Variants in ZNF385B observed in about 807,000 individuals in gnomAD.
ZNF385B encodes the protein zinc finger protein 533.
Under a neutral mutation model 39.2 loss-of-function variants are expected in ZNF385B, and 23 were observed. That is an observed-to-expected ratio of 0.59 (90% CI 0.42 to 0.83). The LOEUF (loss-of-function observed/expected upper bound fraction) is 0.83, where lower values mean the gene tolerates loss of function less well. ZNF385B is among the 40% of genes least tolerant of loss of function. The pLI is 0.00. For missense variants in ZNF385B, 552 were observed against 598.9 expected (o/e 0.92, Z 0.82); for synonymous variants, 205 against 222.6 (o/e 0.92, Z 0.70).
At chr2:179,850,858 C>T (rs1457265449) in intron 1 of ZNF385B, among the ~76,000 whole-genome samples, 1 of 152,280 alleles carries the variant, frequency 6.6e-6, no homozygotes, top group Middle Eastern at 3.4e-3. Flanking sequence ...ACAGGCCCTG[C>T]AGACTCTTAA....
At chr2:179,660,101 G>A (rs148481074) in intron 3 of ZNF385B, 278 of 152,674 alleles carry the variant, frequency 1.8e-3, no homozygotes, top group Middle Eastern at 0.01. Context: ...CTTAGCAATA[G>A]TTAAGTCAGC....
At chr2:179,520,300 T>G (rs1416134195) in intron 4 of ZNF385B, among the ~76,000 whole-genome samples, 1 of 152,084 alleles carries the variant, frequency 6.6e-6, no homozygotes, top group Non-Finnish European at 1.5e-5. Flanking sequence ...TTATATATTA[T>G]AATTTAATAA....
At chr2:179,839,073 T>TGG (rs1708412140) in intron 1 of ZNF385B, among the ~76,000 whole-genome samples, 1 of 152,216 alleles carries the variant, frequency 6.6e-6, no homozygotes, top group African/African-American at 2.4e-5. Flanking sequence ...TCAATCTGAA[T>TGG]TCTTTCTGGA....
chr2:179,642,832 T>C (rs1031244606), intron 3 of ZNF385B, among the ~76,000 whole-genome samples: 2 of 152,152 alleles, frequency 1.3e-5, no homozygotes, highest in Admixed American at 1.3e-4. Context: ...AAATGATTAA[T>C]TTCATTAAAT....
intron 3 of ZNF385B, among the ~76,000 whole-genome samples, chr2:179,691,173 T>G (rs1192954658): frequency 6.6e-6 from 1 of 152,198 alleles, no homozygotes; most frequent in Non-Finnish European, 1.5e-5. Context: ...ATTAATCAAT[T>G]AAAGTCCTAA....
intron 1 of ZNF385B, among the ~76,000 whole-genome samples, chr2:179,838,189 C>CT (rs1708354815): frequency 1.3e-5 from 2 of 152,176 alleles, no homozygotes; most frequent in South Asian, 2.1e-4. Flanking sequence ...TTTTTAAATC[C>CT]TTTTTTTCAA....
intron 3 of ZNF385B, among the ~76,000 whole-genome samples, chr2:179,656,606 C>T (rs985119268): frequency 6.6e-6 from 1 of 152,252 alleles, no homozygotes; most frequent in Admixed American, 6.5e-5. Flanking sequence ...AGCAAAAATT[C>T]GTACTCTGCA....
chr2:179,637,198 T>C (rs1304382482), intron 3 of ZNF385B: 1 of 152,190 alleles, frequency 6.6e-6, no homozygotes, highest in African/African-American at 2.4e-5. Flanking sequence ...TTAGATATAA[T>C]ACAGACTTTC....
At chr2:179,763,919 T>C (rs1359895353) in intron 3 of ZNF385B, among the ~76,000 whole-genome samples, 2 of 152,170 alleles carry the variant, frequency 1.3e-5, no homozygotes, top group Non-Finnish European at 2.9e-5. Context: ...GTATAGGCAC[T>C]TGGAAAAAAT....
chr2:179,640,573 A>G (rs978343834), intron 3 of ZNF385B, among the ~76,000 whole-genome samples: 10 of 152,140 alleles, frequency 6.6e-5, no homozygotes, highest in Admixed American at 5.9e-4. Flanking sequence ...CAATTCTTGC[A>G]GTAGGATATG....
intron 1 of ZNF385B, among the ~76,000 whole-genome samples, chr2:179,792,370 C>CTTTT (rs1346808450): frequency 8.5e-5 from 6 of 70,686 alleles, no homozygotes; most frequent in Non-Finnish European, 1.1e-4. Flanking sequence ...ATTTCATTTT[C>CTTTT]TTTTCTTTTT....
chr2:179,546,998 A>G (rs1482420106), intron 3 of ZNF385B, among the ~76,000 whole-genome samples: 1 of 149,858 alleles, frequency 6.7e-6, no homozygotes, highest in African/African-American at 2.5e-5. Flanking sequence ...ACACATTTTC[A>G]TATACCTGTT....
chr2:179,639,716 C>T (rs1453319032), intron 3 of ZNF385B, among the ~76,000 whole-genome samples: 1 of 152,114 alleles, frequency 6.6e-6, no homozygotes, highest in African/African-American at 2.4e-5. Flanking sequence ...ATTTCACTAT[C>T]ACATAGTAAT....
chr2:179,632,042 G>A (rs1006162626), intron 3 of ZNF385B, among the ~76,000 whole-genome samples: 1 of 151,498 alleles, frequency 6.6e-6, no homozygotes, highest in African/African-American at 2.4e-5. Flanking sequence ...AGAGACCCAG[G>A]TCTCTAAGCA....
chr2:179,804,885 C>A (rs557543169), intron 1 of ZNF385B, among the ~76,000 whole-genome samples: 2 of 152,332 alleles, frequency 1.3e-5, no homozygotes, highest in East Asian at 3.9e-4. Flanking sequence ...AAGCCCTTCT[C>A]ATTCCTCAAA....
chr2:179,762,193 T>C (rs563616263), intron 3 of ZNF385B, among the ~76,000 whole-genome samples: 2 of 152,166 alleles, frequency 1.3e-5, no homozygotes, highest in East Asian at 1.9e-4. Context: ...TTTTTTGTTT[T>C]TGTTTTGGTT....
chr2:179,601,137 C>T (rs1440559331), intron 3 of ZNF385B, among the ~76,000 whole-genome samples: 2 of 152,136 alleles, frequency 1.3e-5, no homozygotes, highest in Non-Finnish European at 2.9e-5. Flanking sequence ...CATATTCTTA[C>T]AAACCTTTGA....
In ZNF385B at chr2:179,500,918, A is replaced by G. The variant is rs113764492; in HGVS notation, c.553-17484T>C. ...AGGAAGAAATCAAATAACCCAATCA[A>G]AAAATGGGCAAAAGATTTGAATAGA... On this transcript the variant is annotated intron_variant, in intron 5 of 9. Transcript: ENST00000410066. 8.2e-3 allele frequency among the ~76,000 whole-genome samples: 1,255 copies of G among 152,332 alleles called. 16 individuals carry two copies. Among genetic ancestry groups the G allele is most frequent in the African/African-American group, 0.029 (1,210 of 41,580 alleles).
At chr2:179,471,921 G>A (rs1020739731) in intron 6 of ZNF385B, among the ~76,000 whole-genome samples, 1 of 152,106 alleles carries the variant, frequency 6.6e-6, no homozygotes, top group Non-Finnish European at 1.5e-5. Flanking sequence ...TTACTTTAAA[G>A]CTGCATAATA....
Sources: allele counts gnomAD v4.1 joint callset (sites outside exome capture counted in the v4.1 genomes callset), GRCh38; gene constraint gnomAD v4.1.1; transcripts MANE v1.5; gene names NCBI Gene and HGNC (gene_info 2026-07-23, HGNC 2026-07-21).